GRID2: variants seen among roughly 807,000 people sequenced by gnomAD.
The protein encoded by GRID2 is glutamate receptor ionotropic, delta-2.
A neutral mutation model predicts 114.8 loss-of-function variants in GRID2; 33 were observed. That is an observed-to-expected ratio of 0.29 (90% CI 0.22 to 0.38). The LOEUF (loss-of-function observed/expected upper bound fraction) is 0.38, where lower values mean the gene tolerates loss of function less well. GRID2 is among the 10% of genes least tolerant of loss of function. The pLI is 1.00. For synonymous variants in GRID2, 505 were observed against 449.9 expected, an observed-to-expected ratio of 1.12 and a Z score of -1.55; for missense variants, 1,184 against 1,257.7, an observed-to-expected ratio of 0.94 and a Z score of 0.89.
chr4:93,166,930 C>T (rs897987177), intron 4 of GRID2, among the ~76,000 whole-genome samples: 44 of 152,040 alleles, frequency 2.9e-4, no homozygotes, highest in Non-Finnish European at 1.2e-4. Flanking sequence ...CTGTAATGAG[C>T]CTTCAATTTG....
chr4:93,701,587 A>T (rs1169502912), intron 14 of GRID2, among the ~76,000 whole-genome samples: 2 of 152,164 alleles, frequency 1.3e-5, no homozygotes, highest in Non-Finnish European at 1.5e-5. Context: ...TACAATTTAC[A>T]TTATCTTGAA....
chr4:92,936,300 G>A (rs978348632), intron 2 of GRID2, among the ~76,000 whole-genome samples: 2 of 145,940 alleles, frequency 1.4e-5, no homozygotes, highest in East Asian at 2.2e-4. Context: ...TTGATTAAAT[G>A]TTTGCATAGT....
intron 1 of GRID2, among the ~76,000 whole-genome samples, chr4:92,437,537 G>C (rs766440232): frequency 9.2e-5 from 14 of 152,174 alleles, no homozygotes; most frequent in Non-Finnish European, 1.9e-4. Flanking sequence ...CCAAAGTGCT[G>C]GGATTACAGG....
At chr4:92,623,305 G>GAT (rs980043853) in intron 2 of GRID2, among the ~76,000 whole-genome samples, 3 of 150,268 alleles carry the variant, frequency 2.0e-5, no homozygotes, top group Non-Finnish European at 3.0e-5. Context: ...TAAATCTTAG[G>GAT]ATATATATAT....
At position 92,990,028 on chromosome 4, in the gene GRID2, G is replaced by A. The variant is rs1341574243; in HGVS notation, c.245-94967G>A. ...AAAAAAGAGAGCATAGCACTTGTCT[G>A]GCTTTGGAAAATACTTTCACAGTAA... is the stretch of plus-strand genomic sequence containing the variant. On this transcript the variant is annotated intron_variant, in intron 2 of 15. Transcript: ENST00000282020. 3.9e-5 allele frequency among the ~76,000 whole-genome samples: 6 copies of A among 152,068 alleles called. No individual in the cohort carries two copies. In the East Asian group the frequency reaches 9.6e-4, roughly 24 times the overall value.
At chr4:93,370,871 G>A (rs1034809917) in intron 8 of GRID2, among the ~76,000 whole-genome samples, 1 of 152,056 alleles carries the variant, frequency 6.6e-6, no homozygotes, top group Non-Finnish European at 1.5e-5. Flanking sequence ...CATGGTTCTT[G>A]ACACATAGCA....
intron 1 of GRID2, among the ~76,000 whole-genome samples, chr4:92,430,749 C>G (rs1732400504): frequency 6.6e-6 from 1 of 151,910 alleles, no homozygotes; most frequent in Non-Finnish European, 1.5e-5. Context: ...CATTGAATAT[C>G]TCCGTTTTTT....
At chr4:93,615,352 T>G (rs1325832337) in intron 13 of GRID2, among the ~76,000 whole-genome samples, 1 of 152,190 alleles carries the variant, frequency 6.6e-6, no homozygotes, top group African/African-American at 2.4e-5. Context: ...ATAAGTGAAA[T>G]CTCTCTTAGG....
At chr4:93,292,892 A>G (rs1160630042) in intron 8 of GRID2, among the ~76,000 whole-genome samples, 3 of 152,196 alleles carry the variant, frequency 2.0e-5, no homozygotes, top group African/African-American at 7.2e-5. Context: ...AGTAAGCCCC[A>G]GTAAAAACAG....
At chr4:92,593,567 C>T (rs35673582) in intron 2 of GRID2, among the ~76,000 whole-genome samples, 23,483 of 151,728 alleles carry the variant, frequency 0.15, 2,222 homozygotes, top group South Asian at 0.27. Context: ...AGTTATAACA[C>T]GGGGTACACA....
At chr4:93,219,972 A>C (rs1485580518) in intron 6 of GRID2, among the ~76,000 whole-genome samples, 1 of 152,146 alleles carries the variant, frequency 6.6e-6, no homozygotes, top group Non-Finnish European at 1.5e-5. Flanking sequence ...AATTGCTCAG[A>C]GTAGCCAATC....
intron 10 of GRID2, among the ~76,000 whole-genome samples, chr4:93,430,706 G>T (rs1298668479): frequency 6.6e-6 from 1 of 152,182 alleles, no homozygotes; most frequent in African/African-American, 2.4e-5. Context: ...AAACACAGAG[G>T]TTAAACTAGA....
intron 13 of GRID2, among the ~76,000 whole-genome samples, chr4:93,521,143 G>A (rs545588632): frequency 2.6e-5 from 4 of 152,126 alleles, no homozygotes; most frequent in Admixed American, 6.6e-5. Context: ...GCTTACGTAG[G>A]TGGAGGGATG....
At chr4:93,347,830 C>T (rs745458130) in intron 8 of GRID2, among the ~76,000 whole-genome samples, 15 of 152,086 alleles carry the variant, frequency 9.9e-5, no homozygotes, top group Non-Finnish European at 1.8e-4. Context: ...GAGTACGCAA[C>T]TTAAACACTA....
chr4:93,634,496 A>C (rs1721238840), intron 14 of GRID2, among the ~76,000 whole-genome samples: 1 of 152,162 alleles, frequency 6.6e-6, no homozygotes. Flanking sequence ...AATGCTTGCC[A>C]CAACTCTGTG....
chr4:93,214,430 G>T (rs193139800), intron 5 of GRID2, among the ~76,000 whole-genome samples: 1 of 151,898 alleles, frequency 6.6e-6, no homozygotes, highest in African/African-American at 2.4e-5. Flanking sequence ...TTTGAAATGC[G>T]CAAGTAAAGT....
intron 14 of GRID2, among the ~76,000 whole-genome samples, chr4:93,681,790 T>C (rs1376012591): frequency 6.6e-6 from 1 of 152,218 alleles, no homozygotes; most frequent in Non-Finnish European, 1.5e-5. Context: ...CAAGTTGGAT[T>C]AAAGACTTAC....
At chr4:92,449,234 G>C (rs1445363408) in intron 1 of GRID2, among the ~76,000 whole-genome samples, 1 of 152,020 alleles carries the variant, frequency 6.6e-6, no homozygotes, top group Non-Finnish European at 1.5e-5. Context: ...GATTATTAAA[G>C]AGACTCAACA....
At chr4:93,791,810 G>A (rs1240047820) in intron 1 of GRID2, among the ~76,000 whole-genome samples, 2 of 149,736 alleles carry the variant, frequency 1.3e-5, no homozygotes, top group Non-Finnish European at 2.9e-5. Flanking sequence ...ATCATTTGTT[G>A]AGAGTTTAGC....
Sources: allele counts gnomAD v4.1 joint callset (sites outside exome capture counted in the v4.1 genomes callset), GRCh38; gene constraint gnomAD v4.1.1; transcripts MANE v1.5; gene names NCBI Gene and HGNC (gene_info 2026-07-23, HGNC 2026-07-21).